Variants in ZZEF1 observed in about 807,000 individuals in gnomAD.
ZZEF1 encodes the protein zinc finger ZZ-type and EF-hand domain-containing protein 1.
Under a neutral mutation model 342.8 loss-of-function variants are expected in ZZEF1, and 157 were observed. The observed-to-expected ratio is 0.46, with a 90% CI of 0.40 to 0.52. The LOEUF is 0.52. Ranked by LOEUF, ZZEF1 falls within the 20% of genes least tolerant of loss-of-function variation. ZZEF1 has a pLI of 0.00. For missense variants in ZZEF1, 3,480 were observed against 3,725.6 expected, an observed-to-expected ratio of 0.93 and a Z score of 1.72; for synonymous variants, 1,505 against 1,429.1, an observed-to-expected ratio of 1.05 and a Z score of -1.20.
At chr17:4,127,189 A>AG (rs981489353) in intron 1 of ZZEF1, among the ~76,000 whole-genome samples, 11 of 151,872 alleles carry the variant, frequency 7.2e-5, no homozygotes, top group Non-Finnish European at 1.2e-4. Context: ...TTCTGTAGAG[A>AG]GGGGGTCTCA....
intron 34 of ZZEF1, 113 bp from the exon 35 acceptor site, chr17:4,052,249 G>A (rs1056651556): frequency 5.6e-6 from 6 of 1,072,104 alleles, no homozygotes; most frequent in African/African-American, 3.2e-5. Context: ...ACTGCTCAGG[G>A]ATACAGGGCC....
chr17:4,059,269 G>C lies in ZZEF1; in HGVS notation c.4905C>G (p.Gly1635=). 3 of 1,595,946 alleles carry C rather than the reference G, an allele frequency of 1.9e-6. No individual in the cohort carries two copies. Among genetic ancestry groups the C allele is most frequent in the African/African-American group, 2.7e-5 (2 of 73,708 alleles). Reference sequence around the variant, plus strand: ...TTTCTTTGTGTAGATCAGCACCACAGCCTTCCAGGTGTCCAAAATAACTAG... The same window carrying C: ...TTTCTTTGTGTAGATCAGCACCACACCCTTCCAGGTGTCCAAAATAACTAG... ...DFTNYFGHLE[G]CGADLHKEIR... Residue 1635 remains glycine (G), a synonymous_variant, in exon 31 of 55, where the codon GGC becomes GGG. Coordinates refer to ENST00000381638, the MANE Select transcript of ZZEF1 (RefSeq NM_015113.4).
At chr17:4,052,177 G>A in intron 34 of ZZEF1, 41 bp from the exon 35 acceptor site, 2 of 1,545,484 alleles carry the variant, frequency 1.3e-6, no homozygotes, top group East Asian at 2.4e-5. Flanking sequence ...GAGGTAGAGG[G>A]CTCCTAGATG....
intron 37 of ZZEF1, among the ~76,000 whole-genome samples, chr17:4,046,880 G>T (rs567446673): frequency 6.6e-6 from 1 of 152,278 alleles, no homozygotes; most frequent in Admixed American, 6.5e-5. Context: ...GTCATTGGAC[G>T]GAGAAAAGGT....
At chr17:4,013,299 G>A (rs1434910729) in intron 52 of ZZEF1, 150 bp downstream of exon 52, 13 of 715,848 alleles carry the variant, frequency 1.8e-5, no homozygotes, top group East Asian at 1.2e-4. Context: ...CACCAAGAAC[G>A]CTAGCATAAA....
rs767761154 is a variant in ZZEF1, at chr17:4,139,120, T to C, written c.354+3422A>G. Among the ~76,000 whole-genome samples, 17 of 130,092 alleles carry C rather than the reference T, an allele frequency of 1.3e-4. 2 individuals are homozygous for C. Among genetic ancestry groups the C allele is most frequent in the Non-Finnish European group, 2.7e-4 (17 of 62,206 alleles). The allele number at this position is 130,092 out of a possible 152,430, so 85.3% of individuals were successfully genotyped here. On this transcript the variant is annotated intron_variant, in intron 1 of 54. Transcript: ENST00000381638. ...CACTTGGAAACTCTCAGCATTATAA[T>C]AAACCATGCGCACCTTCTCCCTGGA...
At chr17:4,137,769 A>G (rs911842465) in intron 1 of ZZEF1, among the ~76,000 whole-genome samples, 1 of 152,252 alleles carries the variant, frequency 6.6e-6, no homozygotes, top group Non-Finnish European at 1.5e-5. Flanking sequence ...AAGGCCAGAC[A>G]GTATGCTCTA....
chr17:4,095,866 C>A lies in ZZEF1; in HGVS notation c.1878G>T (p.Trp626Cys). 6.2e-7 allele frequency: 1 copy of A among 1,613,352 alleles called. No individual in the cohort carries two copies. The highest frequency in any genetic ancestry group is 8.5e-7 in the Non-Finnish European group (1 of 1,179,586). The change falls in exon 11 of 55, where the codon TGG becomes TGT. Residue 626 changes from tryptophan (W) to cysteine (C), a missense_variant. Physicochemically the swap from Trp to Cys is radical, Grantham distance 215 (BLOSUM62 -2). Coordinates refer to ENST00000381638, the MANE Select transcript of ZZEF1 (RefSeq NM_015113.4). ...CAAATTGCCTGAGCTCCTGAAGCTT[C>A]CATTTGTCATATTTTTCAAACCTTT... ...HFKRFEKYDK[W>C]KLQELRQFVK...
rs2056091286 is a variant in ZZEF1 at position 4,016,049 on chromosome 17, A to G, written c.8145+274T>C. On this transcript the variant is annotated intron_variant, in intron 49 of 54. Coordinates refer to ENST00000381638, the MANE Select transcript of ZZEF1 (RefSeq NM_015113.4). This position sits in a 1 kb window ranked among gnomAD's most constrained non-coding sequence, Gnocchi z 4.4. ...GGACTCACTCTGAGGAGCCTGCCGC[A>G]GGGAAAGTAAAGCTCTCCTCCAGGG... is the stretch of plus-strand genomic sequence containing the variant. Among the ~76,000 whole-genome samples the G allele has an allele frequency of 6.6e-6, 1 of 152,258 alleles. No individual in the cohort carries two copies. The highest frequency in any genetic ancestry group is 2.1e-4 in the South Asian group (1 of 4,834).
In ZZEF1 at chr17:4,016,079, G is replaced by A. The variant is rs1000983778; in HGVS notation, c.8145+244C>T. 3.3e-5 allele frequency among the ~76,000 whole-genome samples: 5 copies of A among 152,226 alleles called. No homozygotes were observed. Among genetic ancestry groups the A allele is most frequent in the African/African-American group, 1.2e-4 (5 of 41,468 alleles). On this transcript the variant is annotated intron_variant, in intron 49 of 54. Transcript: ENST00000381638. This position sits in a 1 kb window ranked among gnomAD's most constrained non-coding sequence, Gnocchi z 4.4. ...AAGTAAAGCTCTCCTCCAGGGCTAG[G>A]TGGCCCATTTTCTTCTATTAAAACA... is the stretch of plus-strand genomic sequence containing the variant.
intron 34 of ZZEF1, 36 bp downstream of exon 34, chr17:4,054,021 C>A: frequency 6.4e-7 from 1 of 1,571,240 alleles, no homozygotes; most frequent in South Asian, 1.2e-5. Context: ...AGTGATATTG[C>A]CTTTGGATAC....
chr17:4,063,745 T>TTTTTA (rs34860712), intron 29 of ZZEF1, among the ~76,000 whole-genome samples: 1 of 150,498 alleles, frequency 6.6e-6, no homozygotes, highest in African/African-American at 2.4e-5. Flanking sequence ...TTTTTTTTTT[T>TTTTTA]GAGACAGAGT....
intron 18 of ZZEF1, among the ~76,000 whole-genome samples, 178 bp from the exon 19 acceptor site, chr17:4,078,220 C>A (rs1597858825): frequency 6.6e-6 from 1 of 152,210 alleles, no homozygotes; most frequent in Non-Finnish European, 1.5e-5. Context: ...GAAAACTCCC[C>A]TTTCCCTCCA....
chr17:4,006,559 G>A lies in ZZEF1; in HGVS notation c.*331C>T, dbSNP rs2055804543. On this transcript the variant is annotated 3_prime_UTR_variant, in exon 55 of 55. Transcript: ENST00000381638. Reference sequence around the variant, plus strand: ...CCACGGAGACAGAAACCAGTTGAGAGAGGCCGCTTCCAAGTCTTCCCAGGC... The same window carrying A: ...CCACGGAGACAGAAACCAGTTGAGAAAGGCCGCTTCCAAGTCTTCCCAGGC... 5.6e-6 allele frequency: 2 copies of A among 358,260 alleles called. No individual in the cohort carries two copies. The highest frequency in any genetic ancestry group is 1.0e-5 in the Non-Finnish European group (2 of 190,540). 22.2% of individuals were successfully genotyped at this position (358,260 alleles called of 1,614,324 possible). A position where few individuals can be genotyped will look rare whatever the true frequency, so the allele number is the denominator to read the frequency against.
chr17:4,049,743 C>T lies in ZZEF1; in HGVS notation c.5980G>A (p.Ala1994Thr). The part of the protein sequence containing the change: ...GASEEQLEKK[A>T]VQGAELSEAG... ...TCTGACAGCTCAGCACCCTGGACAGCTTTCTTCTCTAGCTGCTCCTCTGAC... is the reference window on the plus strand; with the variant it reads ...TCTGACAGCTCAGCACCCTGGACAGTTTTCTTCTCTAGCTGCTCCTCTGAC... Residue 1994 changes from alanine to threonine, a missense_variant, in exon 37 of 55, where the codon GCT (alanine) becomes ACT (threonine). By Grantham distance (58) the Ala-to-Thr change is moderately conservative. This residue lies in a region of ZZEF1 where 1,269 missense variants were observed against 1,342.4 expected (regional missense o/e 0.95). Coordinates refer to ENST00000381638, the MANE Select transcript of ZZEF1 (RefSeq NM_015113.4). The T allele has an allele frequency of 6.2e-7, 1 of 1,614,152 alleles. No homozygotes were observed. Among genetic ancestry groups the T allele is most frequent in the Non-Finnish European group, 8.5e-7 (1 of 1,180,012 alleles).
intron 2 of ZZEF1, among the ~76,000 whole-genome samples, chr17:4,117,657 A>G (rs906393267): frequency 1.4e-4 from 21 of 151,702 alleles, no homozygotes; most frequent in African/African-American, 5.1e-4. Flanking sequence ...TCAAAAAAAA[A>G]AAAAAAAAAA....
At chr17:4,116,910 C>G (rs1315999492) in intron 3 of ZZEF1, 62 bp downstream of exon 3, 27 of 1,463,338 alleles carry the variant, frequency 1.8e-5, no homozygotes, top group Non-Finnish European at 2.3e-5. Context: ...GCTCATTTTA[C>G]CAACACAACA....
At chr17:4,040,160 G>A (rs1297200452) in intron 39 of ZZEF1, among the ~76,000 whole-genome samples, 1 of 152,164 alleles carries the variant, frequency 6.6e-6, no homozygotes, top group Non-Finnish European at 1.5e-5. Flanking sequence ...CGGATGAAAA[G>A]GACTGTGTCC....
At chr17:4,009,361 C>T in intron 53 of ZZEF1, 1 of 598,326 alleles carries the variant, frequency 1.7e-6, no homozygotes, top group Non-Finnish European at 3.0e-6. Flanking sequence ...AAGGGCTGAT[C>T]CCGGGCAGTT....
Sources: allele counts gnomAD v4.1 joint callset (sites outside exome capture counted in the v4.1 genomes callset), GRCh38; gene constraint gnomAD v4.1.1; regional missense constraint gnomAD v4.1.1; non-coding constraint Gnocchi (gnomAD v3.1); transcripts MANE v1.5; gene names NCBI Gene and HGNC (gene_info 2026-07-23, HGNC 2026-07-21).